Variants in IGFN1 observed in about 807,000 individuals in gnomAD.
IGFN1 encodes the protein immunoglobulin like and fibronectin type III domain containing 1, also known as immunoglobulin-like and fibronectin type III domain-containing protein 1.
A neutral mutation model predicts 289.5 loss-of-function variants in IGFN1; 253 were observed. That is an observed-to-expected ratio of 0.87 (90% CI 0.79 to 0.97). The LOEUF (loss-of-function observed/expected upper bound fraction) is 0.97. IGFN1 is among the 50% of genes least tolerant of loss of function. The pLI is 0.00. For synonymous variants in IGFN1, 1,706 were observed against 1,788.5 expected (o/e 0.95, Z 1.16); for missense variants, 4,470 against 4,686.1 (o/e 0.95, Z 1.35).
intron 18 of IGFN1, among the ~76,000 whole-genome samples, chr1:201,219,448 A>T (rs1558157512): frequency 6.6e-6 from 1 of 152,244 alleles, no homozygotes; most frequent in Non-Finnish European, 1.5e-5. Flanking sequence ...GTGATTAAAG[A>T]TGTGTATGAT....
chr1:201,199,560 C>A (rs770357967), intron 6 of IGFN1, 49 bp from the exon 7 acceptor site: 1 of 1,527,350 alleles, frequency 6.5e-7, no homozygotes, highest in East Asian at 2.5e-5. Context: ...TGCATCAACC[C>A]TCAGTCATCC....
chr1:201,212,271 G>T lies in IGFN1; in HGVS notation c.7378G>T (p.Glu2460Ter), dbSNP rs549567594. 1.2e-5 allele frequency: 19 copies of T among 1,536,110 alleles called. 1 individual carries two copies. The South Asian group carries it at 2.3e-4, about 18-fold the overall frequency. ...SQGGRQTLSD[E>*]RGSTKDLGGY... Reference sequence around the variant, plus strand: ...GGGAGGGCGACAGACTCTTTCAGATGAGCGAGGCTCCACCAAAGATCTTGG... The same window carrying T: ...GGGAGGGCGACAGACTCTTTCAGATTAGCGAGGCTCCACCAAAGATCTTGG... Residue 2460 changes from glutamate to a stop codon, truncating the protein, a stop_gained, in exon 12 of 24, where the codon GAG (glutamate) becomes TAG (stop). Transcript: ENST00000335211. LOFTEE classifies it high-confidence loss of function.
chr1:201,218,575 A>T lies in IGFN1; in HGVS notation c.9815A>T (p.Glu3272Val). ...GACGTGCGGCAGGGCTGTCAGTATG[A>T]GTTCCGGGTCACAGCTGTGGCTCCC... The part of the protein sequence containing the change: ...VADVRQGCQY[E>V]FRVTAVAPSG... The change falls in exon 18 of 24, where the codon GAG becomes GTG. Residue 3272 changes from glutamate to valine, a missense_variant. Around this residue, in one of 8 missense-constraint regions of IGFN1, gnomAD observed 2,218 missense variants for 2,114.1 expected, o/e 1.05. Transcript: ENST00000335211. The T allele has an allele frequency of 6.2e-7, 1 of 1,613,524 alleles. No individual in the cohort carries two copies. Among genetic ancestry groups the T allele is most frequent in the Non-Finnish European group, 8.5e-7 (1 of 1,179,966 alleles).
Position 201,211,468 on chromosome 1 carries a change from G to C in IGFN1, c.6575G>C (p.Ser2192Thr). The change falls in exon 12 of 24, where the codon AGT becomes ACT. Residue 2192 changes from serine to threonine, a missense_variant. By Grantham distance (58) the Ser-to-Thr change is moderately conservative. Around this residue, in one of 8 missense-constraint regions of IGFN1, gnomAD observed 2,218 missense variants for 2,114.1 expected, o/e 1.05. Transcript: ENST00000335211. ...GCTCCTGAGGGAATGGGTTCAGGGA[G>C]TAAGGCAGGTTTCAGGGATGGTTTA... ...LGAPEGMGSG[S>T]KAGFRDGLGG... 6.7e-7 allele frequency: 1 copy of C among 1,500,502 alleles called. No individual in the cohort carries two copies. The highest frequency in any genetic ancestry group is 8.9e-7 in the Non-Finnish European group (1 of 1,125,434). The allele number at this position is 1,500,502 out of a possible 1,614,324, so 92.9% of individuals were successfully genotyped here.
Position 201,206,773 on chromosome 1 carries a change from T to C in IGFN1, c.1880T>C (p.Ile627Thr). ...GGGTCCTGGCCAAGAGGAAAGCAGA[T>C]AGAGATTTCACAGGATGACAGCCTG... ...PVGSWPRGKQ[I>T]EISQDDSLAE... Residue 627 changes from isoleucine (I) to threonine (T), a missense_variant, in exon 12 of 24, where the codon ATA becomes ACA. This residue lies in a region of IGFN1 where 2,011 missense variants were observed against 1,953.4 expected (regional missense o/e 1.03). Coordinates refer to ENST00000335211, the MANE Select transcript of IGFN1 (RefSeq NM_001164586.2). 3.3e-6 allele frequency: 5 copies of C among 1,536,530 alleles called. No homozygotes were observed. The highest frequency in any genetic ancestry group is 1.2e-5 in the South Asian group (1 of 84,028).
chr1:201,215,763 G>T lies in IGFN1; in HGVS notation c.9220G>T (p.Asp3074Tyr). 1 of 1,607,466 alleles carries T rather than the reference G, an allele frequency of 6.2e-7. No homozygotes were observed. Among genetic ancestry groups the T allele is most frequent in the Non-Finnish European group, 8.5e-7 (1 of 1,176,582 alleles). ...RLCLPSAGRK[D>Y]CGQYSVTLRS... ...GTGCCTCCCCAGCGCAGGCAGGAAG[G>T]ACTGTGGCCAGTACAGCGTGACACT... The change falls in exon 15 of 24, where the codon GAC (aspartate) becomes TAC (tyrosine). Residue 3074 changes from aspartate to tyrosine, a missense_variant. By Grantham distance (160) the Asp-to-Tyr change is radical. Coordinates refer to ENST00000335211, the MANE Select transcript of IGFN1 (RefSeq NM_001164586.2).
intron 8 of IGFN1, among the ~76,000 whole-genome samples, chr1:201,201,239 C>A (rs1667139048): frequency 6.6e-6 from 1 of 152,176 alleles, no homozygotes; most frequent in East Asian, 1.9e-4. Context: ...CTGTGTCTAA[C>A]TTAACTATAG....
At chr1:201,198,718 C>G (rs555512398) in intron 5 of IGFN1, among the ~76,000 whole-genome samples, 4 of 152,184 alleles carry the variant, frequency 2.6e-5, no homozygotes, top group African/African-American at 9.7e-5. Context: ...TGAACCATCA[C>G]GACCAGTCCA....
At chr1:201,194,100 A>C in intron 2 of IGFN1, 54 bp from the exon 3 acceptor site, 1 of 1,543,110 alleles carries the variant, frequency 6.5e-7, no homozygotes, top group Non-Finnish European at 8.8e-7. Flanking sequence ...TTGAAGGGCC[A>C]CCCAGGAGGA....
chr1:201,213,428 T>A lies in IGFN1; in HGVS notation c.8535T>A (p.Pro2845=). The A allele has an allele frequency of 6.2e-7, 1 of 1,613,868 alleles. No individual in the cohort carries two copies. The highest frequency in any genetic ancestry group is 1.1e-5 in the South Asian group (1 of 91,060). ...ADEAGSMGWQ[P]MGENWGCLEE... ...AGGCTGGAAGCATGGGGTGGCAGCC[T>A]ATGGGAGAGAACTGGGGGTGCCTGG... The change falls in exon 12 of 24, where the codon CCT becomes CCA. Residue 2845 remains proline, a synonymous_variant. Transcript: ENST00000335211.
Position 201,208,432 on chromosome 1 carries a change from CT to C in IGFN1, c.3540del (p.Gly1181ValfsTer130). On this transcript the variant is annotated frameshift_variant, in exon 12 of 24. Transcript: ENST00000335211. LOFTEE classifies it high-confidence loss of function. ...CPGAKASGAG[A>X]GYRDDTRHPE... ...GGTGCTAAGGCCTCTGGAGCTGGAGCTGGTTATAGGGATGATACCAGGCACC... is the reference window on the plus strand; with the variant it reads ...GGTGCTAAGGCCTCTGGAGCTGGAGCGGTTATAGGGATGATACCAGGCACC... 3 of 1,446,982 alleles carry C rather than the reference CT, an allele frequency of 2.1e-6. No homozygotes were observed. Among genetic ancestry groups the C allele is most frequent in the Non-Finnish European group, 2.7e-6 (3 of 1,107,322 alleles). 89.6% of individuals were successfully genotyped at this position (1,446,982 alleles called of 1,614,324 possible).
At position 201,226,085 on chromosome 1, in the gene IGFN1, C is replaced by T. The variant is rs536262964; in HGVS notation, c.10748C>T (p.Ser3583Leu). 7 of 1,603,872 alleles carry T rather than the reference C, an allele frequency of 4.4e-6. No individual in the cohort carries two copies. Among genetic ancestry groups the T allele is most frequent in the East Asian group, 2.2e-5 (1 of 44,624 alleles). ...AKNELGASKP[S>L]DTSQPWCIPR... ...AATGAGCTGGGGGCCAGCAAACCCT[C>T]GGACACCAGCCAGCCCTGGTGCATC... Residue 3583 changes from serine (S) to leucine (L), a missense_variant, in exon 22 of 24, where the codon TCG becomes TTG. Coordinates refer to ENST00000335211, the MANE Select transcript of IGFN1 (RefSeq NM_001164586.2).
At position 201,210,835 on chromosome 1, in the gene IGFN1, G is replaced by C; in HGVS notation, c.5942G>C (p.Arg1981Thr). The change falls in exon 12 of 24, where the codon AGG becomes ACG. Residue 1981 changes from arginine to threonine, a missense_variant. Arg to Thr is a moderately conservative substitution (Grantham distance 71). Around this residue, in one of 8 missense-constraint regions of IGFN1, gnomAD observed 108 missense variants for 128.7 expected, o/e 0.84. Coordinates refer to ENST00000335211, the MANE Select transcript of IGFN1 (RefSeq NM_001164586.2). ...GGTTCAGGGAGTAAGGAAGGTTTCA[G>C]GGATGGTTTAGGGGGTTCTGAGGAA... is the stretch of plus-strand genomic sequence containing the variant. The part of the protein sequence containing the change: ...GMGSGSKEGF[R>T]DGLGGSEEMG... 3.9e-6 allele frequency: 6 copies of C among 1,535,066 alleles called. No homozygotes were observed. Among genetic ancestry groups the C allele is most frequent in the Non-Finnish European group, 5.2e-6 (6 of 1,146,326 alleles).
Position 201,207,539 on chromosome 1 carries a change from G to T in IGFN1, c.2646G>T (p.Gly882=), listed in dbSNP as rs1571453032. 1.3e-6 allele frequency: 2 copies of T among 1,536,888 alleles called. No individual in the cohort carries two copies. The highest frequency in any genetic ancestry group is 1.7e-6 in the Non-Finnish European group (2 of 1,146,802). Residue 882 remains glycine, a synonymous_variant, in exon 12 of 24, where the codon GGG becomes GGT. Coordinates refer to ENST00000335211, the MANE Select transcript of IGFN1 (RefSeq NM_001164586.2). Reference sequence around the variant, plus strand: ...CTGGACTGACGGAGTCTGGTCAGGGGGTGGATGCCAGAAGCCACTGGCTAA... The same window carrying T: ...CTGGACTGACGGAGTCTGGTCAGGGTGTGGATGCCAGAAGCCACTGGCTAA... The part of the protein sequence containing the change: ...WVAGLTESGQ[G]VDARSHWLSR...
rs1425419189 is a variant in IGFN1, at chr1:201,211,150, C to T, written c.6257C>T (p.Thr2086Ile). The T allele has an allele frequency of 8.8e-5, 135 of 1,526,676 alleles. No individual in the cohort carries two copies. The highest frequency in any genetic ancestry group is 1.2e-4 in the East Asian group (5 of 40,424). 94.6% of individuals were successfully genotyped at this position (1,526,676 alleles called of 1,614,324 possible). ...AAGGGAATGGGTTCAGGGAGTAAGA[C>T]AGGTTTCAGGGATGGTTTAGGGGGT... ...APKGMGSGSK[T>I]GFRDGLGGSE... The change falls in exon 12 of 24, where the codon ACA (threonine) becomes ATA (isoleucine). Residue 2086 changes from threonine to isoleucine, a missense_variant. Physicochemically the swap from Thr to Ile is moderately conservative, Grantham distance 89. Coordinates refer to ENST00000335211, the MANE Select transcript of IGFN1 (RefSeq NM_001164586.2).
chr1:201,213,311 G>T lies in IGFN1; in HGVS notation c.8418G>T (p.Gly2806=), dbSNP rs2102350550. The change falls in exon 12 of 24, where the codon GGG becomes GGT. Residue 2806 remains glycine, a synonymous_variant. Transcript: ENST00000335211. ...EDEGQGVEEA[G]RSGRRPGSLR... is the part of the protein sequence containing the mutation. ...AAGGGCAGGGAGTGGAAGAGGCTGGGAGGTCAGGCAGGAGGCCTGGCTCAC... is the reference window on the plus strand; with the variant it reads ...AAGGGCAGGGAGTGGAAGAGGCTGGTAGGTCAGGCAGGAGGCCTGGCTCAC... The T allele has an allele frequency of 6.3e-7, 1 of 1,577,276 alleles. No individual in the cohort carries two copies. Among genetic ancestry groups the T allele is most frequent in the East Asian group, 2.3e-5 (1 of 42,918 alleles).
Position 201,215,017 on chromosome 1 carries a change from C to T in IGFN1, c.8858C>T (p.Thr2953Ile), listed in dbSNP as rs527884354. The T allele has an allele frequency of 5.6e-6, 9 of 1,613,676 alleles. 1 individual carries two copies. The South Asian group carries it at 9.9e-5, about 18-fold the overall frequency. Residue 2953 changes from threonine to isoleucine, a missense_variant, in exon 14 of 24, where the codon ACC becomes ATC. Physicochemically the swap from Thr to Ile is moderately conservative, Grantham distance 89. Around this residue, in one of 8 missense-constraint regions of IGFN1, gnomAD observed 2,218 missense variants for 2,114.1 expected, o/e 1.05. Transcript: ENST00000335211. ...GTWFKDGVKL[T>I]TQDGVIFKQD... Reference sequence around the variant, plus strand: ...CTGCTGTGGCCCTGTCTCCAGCTCACCACCCAGGATGGAGTCATCTTTAAG... The same window carrying T: ...CTGCTGTGGCCCTGTCTCCAGCTCATCACCCAGGATGGAGTCATCTTTAAG...
Position 201,212,643 on chromosome 1 carries a change from G to A in IGFN1, c.7750G>A (p.Gly2584Ser). ...GGGAGGTGGGGACTCACTTTTGGGA[G>A]GCAGAAGGGTAGGCTCAGGGAGTTC... is the stretch of plus-strand genomic sequence containing the variant. ...SQGGGDSLLG[G>S]RRVGSGSSVG... The change falls in exon 12 of 24, where the codon GGC becomes AGC. Residue 2584 changes from glycine (G) to serine (S), a missense_variant. Transcript: ENST00000335211. The A allele has an allele frequency of 6.5e-7, 1 of 1,541,292 alleles. No individual in the cohort carries two copies. Among genetic ancestry groups the A allele is most frequent in the Non-Finnish European group, 8.8e-7 (1 of 1,141,280 alleles).
rs967525273 is a variant in IGFN1, at chr1:201,200,310, G to A, written c.532G>A (p.Asp178Asn). The change falls in exon 8 of 24, where the codon GAC (aspartate) becomes AAC (asparagine). Residue 178 changes from aspartate to asparagine, a missense_variant. Coordinates refer to ENST00000335211, the MANE Select transcript of IGFN1 (RefSeq NM_001164586.2). ...WQLLMTADRK[D>N]YEKICLKYGI... is the part of the protein sequence containing the mutation. ...GCTGCTGATGACAGCAGACAGGAAG[G>A]ACTACGAGAAGATCTGCTTGAAGTA... 1 of 1,551,732 alleles carries A rather than the reference G, an allele frequency of 6.4e-7. No individual in the cohort carries two copies. Among genetic ancestry groups the A allele is most frequent in the Non-Finnish European group, 8.7e-7 (1 of 1,146,968 alleles).
Sources: allele counts gnomAD v4.1 joint callset (sites outside exome capture counted in the v4.1 genomes callset), GRCh38; gene constraint gnomAD v4.1.1; regional missense constraint gnomAD v4.1.1; transcripts MANE v1.5; gene names NCBI Gene and HGNC (gene_info 2026-07-23, HGNC 2026-07-21).